Variants in CSMD1 observed in about 807,000 individuals in gnomAD.
CSMD1 encodes CUB and Sushi multiple domains 1.
A neutral mutation model predicts 417.5 loss-of-function variants in CSMD1; 213 were observed. The observed-to-expected ratio is 0.51, with a 90% CI of 0.46 to 0.57. CSMD1 has a LOEUF of 0.57. Ranked by LOEUF, CSMD1 falls within the 20% of genes least tolerant of loss-of-function variation. The probability of loss-of-function intolerance (pLI) is 0.00; values close to 1 mark genes in which losing one functional copy is unlikely to be tolerated. For synonymous variants in CSMD1, 2,862 were observed against 1,736.8 expected, an observed-to-expected ratio of 1.65 and a Z score of -16.11; for missense variants, 6,923 against 4,529.7, an observed-to-expected ratio of 1.53 and a Z score of -15.17.
In CSMD1 at chr8:4,631,445, T is replaced by C. The variant is rs573546116; in HGVS notation, c.302+5897A>G. ...TCCATTGATCTGTGAATGGCTCCCTTAGGACCTTGTAGCAACTATGGAGAC... is the reference window on the plus strand; with the variant it reads ...TCCATTGATCTGTGAATGGCTCCCTCAGGACCTTGTAGCAACTATGGAGAC... On this transcript the variant is annotated intron_variant, in intron 2 of 69. Coordinates refer to ENST00000635120, the MANE Select transcript of CSMD1 (RefSeq NM_033225.6). 2.0e-5 allele frequency among the ~76,000 whole-genome samples: 3 copies of C among 151,554 alleles called. No individual in the cohort carries two copies. The South Asian group carries it at 6.3e-4, about 32-fold the overall frequency.
At chr8:4,927,097 A>AT (rs1259239237) in intron 1 of CSMD1, among the ~76,000 whole-genome samples, 1 of 147,986 alleles carries the variant, frequency 6.8e-6, no homozygotes, top group African/African-American at 2.5e-5. Flanking sequence ...CATTATTATT[A>AT]TTATTATTAT....
intron 3 of CSMD1, among the ~76,000 whole-genome samples, chr8:4,164,700 G>GGT (rs1797355617): frequency 6.6e-6 from 1 of 152,022 alleles, no homozygotes; most frequent in South Asian, 2.1e-4. Context: ...ATGTTGCTGA[G>GGT]GTGGAGGAAA....
chr8:3,282,815 C>G (rs1802839448), intron 26 of CSMD1, among the ~76,000 whole-genome samples: 1 of 152,176 alleles, frequency 6.6e-6, no homozygotes, highest in Non-Finnish European at 1.5e-5. Flanking sequence ...AAGCATTAAA[C>G]TGACCTAACT....
chr8:4,573,445 G>T (rs1487955888), intron 2 of CSMD1, among the ~76,000 whole-genome samples: 1 of 152,164 alleles, frequency 6.6e-6, no homozygotes, highest in Admixed American at 6.5e-5. Flanking sequence ...GGTGTCACCA[G>T]TGGAGGCTGC....
chr8:4,766,585 G>A (rs1464312687), intron 1 of CSMD1, among the ~76,000 whole-genome samples: 1 of 152,162 alleles, frequency 6.6e-6, no homozygotes, highest in African/African-American at 2.4e-5. Context: ...CCAACATGCA[G>A]CAGGGCATTT....
At chr8:4,574,735 C>T (rs1384000170) in intron 2 of CSMD1, among the ~76,000 whole-genome samples, 2 of 152,170 alleles carry the variant, frequency 1.3e-5, no homozygotes, top group Non-Finnish European at 2.9e-5. Flanking sequence ...TAGACACACA[C>T]CTTTATCATG....
Position 3,661,004 on chromosome 8 carries a change from C to A in CSMD1, c.1010-44207G>T, listed in dbSNP as rs148719609. ...GGCAGAGGTGAGCGCCAGCACCCAG[C>A]GTCAACTGCTATTTGGTATGCGGAT... On this transcript the variant is annotated intron_variant, in intron 7 of 69. Transcript: ENST00000635120. Among the ~76,000 whole-genome samples, 279 of 152,268 alleles carry A rather than the reference C, an allele frequency of 1.8e-3. 1 individual carries two copies. Among genetic ancestry groups the A allele is most frequent in the African/African-American group, 6.4e-3 (264 of 41,546 alleles).
At chr8:3,047,282 G>A (rs1047171071) in intron 50 of CSMD1, among the ~76,000 whole-genome samples, 4 of 148,178 alleles carry the variant, frequency 2.7e-5, no homozygotes, top group Admixed American at 2.0e-4. Context: ...CCAAGTTCTC[G>A]CCCCAGCCAT....
At chr8:4,358,573 G>T (rs1291149616) in intron 3 of CSMD1, among the ~76,000 whole-genome samples, 1 of 152,122 alleles carries the variant, frequency 6.6e-6, no homozygotes, top group Non-Finnish European at 1.5e-5. Flanking sequence ...TTACTATCTG[G>T]CCATTTAAAG....
chr8:3,455,055 A>G (rs1163738445), intron 12 of CSMD1, among the ~76,000 whole-genome samples: 2 of 152,080 alleles, frequency 1.3e-5, no homozygotes, highest in African/African-American at 4.8e-5. Context: ...GCTTCATTTC[A>G]TTCATTTGAT....
chr8:3,999,024 G>A (rs1196812014), intron 4 of CSMD1, among the ~76,000 whole-genome samples: 3 of 148,760 alleles, frequency 2.0e-5, no homozygotes, highest in Admixed American at 1.3e-4. Context: ...TAAACTATAT[G>A]ATACTTTATA....
rs1028619095 is a variant in CSMD1 at position 4,763,579 on chromosome 8, G to A, written c.86-126021C>T. On this transcript the variant is annotated intron_variant, in intron 1 of 69. Transcript: ENST00000635120. ...GCAGATCTATTGTCTTACTTGCTGCGTATTTTCTGAATGACTTATGCCTCC... is the reference window on the plus strand; with the variant it reads ...GCAGATCTATTGTCTTACTTGCTGCATATTTTCTGAATGACTTATGCCTCC... Among the ~76,000 whole-genome samples, 11 of 152,132 alleles carry A rather than the reference G, an allele frequency of 7.2e-5. No individual in the cohort carries two copies. The East Asian group carries it at 7.7e-4, about 11-fold the overall frequency.
intron 21 of CSMD1, among the ~76,000 whole-genome samples, chr8:3,351,379 G>C (rs1026384134): frequency 2.0e-5 from 3 of 151,910 alleles, no homozygotes; most frequent in Admixed American, 6.6e-5. Context: ...CGGAGGCCGA[G>C]GCAGGCGGAT....
At chr8:4,672,137 G>A (rs1805370825) in intron 1 of CSMD1, among the ~76,000 whole-genome samples, 1 of 152,166 alleles carries the variant, frequency 6.6e-6, no homozygotes, top group African/African-American at 2.4e-5. Context: ...ATTGCATGAG[G>A]CTCTCACACA....
At chr8:3,888,449 A>C (rs1020977155) in intron 5 of CSMD1, among the ~76,000 whole-genome samples, 1 of 152,210 alleles carries the variant, frequency 6.6e-6, no homozygotes, top group Non-Finnish European at 1.5e-5. Context: ...GTGCAAATGC[A>C]TAATTAAAAA....
chr8:4,975,454 C>T (rs4614018), intron 1 of CSMD1, among the ~76,000 whole-genome samples: 103,403 of 152,024 alleles, frequency 0.68, 35,976 homozygotes, highest in Middle Eastern at 0.81. Context: ...ATGTATTCAT[C>T]AATCTGATAG....
intron 6 of CSMD1, among the ~76,000 whole-genome samples, chr8:3,744,170 T>C (rs1045093041): frequency 6.6e-6 from 1 of 152,110 alleles, no homozygotes; most frequent in African/African-American, 2.4e-5. Flanking sequence ...GACAAGGGCA[T>C]GGAAGGTCTG....
At chr8:3,404,144 G>C (rs937216135) in intron 15 of CSMD1, among the ~76,000 whole-genome samples, 2 of 152,014 alleles carry the variant, frequency 1.3e-5, no homozygotes, top group African/African-American at 2.4e-5. Flanking sequence ...GACCAGCCTG[G>C]CCAACATGTT....
chr8:3,349,353 C>T (rs1436810200), intron 21 of CSMD1, among the ~76,000 whole-genome samples: 2 of 152,166 alleles, frequency 1.3e-5, no homozygotes, highest in African/African-American at 4.8e-5. Flanking sequence ...ATCCACTTGC[C>T]AGCAGGAAGT....
Sources: allele counts gnomAD v4.1 joint callset (sites outside exome capture counted in the v4.1 genomes callset), GRCh38; gene constraint gnomAD v4.1.1; transcripts MANE v1.5; gene names NCBI Gene and HGNC (gene_info 2026-07-23, HGNC 2026-07-21).